The following NECAB2 variants were observed in gnomAD, a reference collection of about 807,000 sequenced individuals.
The protein encoded by NECAB2 is N-terminal EF-hand calcium-binding protein 2.
In NECAB2, 68 loss-of-function variants were observed where a neutral mutation model predicts 51.9. The observed-to-expected ratio is 1.31, with a 90% confidence interval of 1.08 to 1.60. The LOEUF (loss-of-function observed/expected upper bound fraction) is 1.60. Ranked by LOEUF, NECAB2 falls within the 40% of genes most tolerant of loss-of-function variation. NECAB2 has a pLI of 0.00. For synonymous variants in NECAB2, 329 were observed against 203.5 expected, an observed-to-expected ratio of 1.62 and a Z score of -5.25; for missense variants, 854 against 490.3, an observed-to-expected ratio of 1.74 and a Z score of -7.00.
intron 5 of NECAB2, among the ~76,000 whole-genome samples, chr16:83,985,313 C>CAAAAAAAAAAAAAAAAAAAAAAAAAAAA (rs71148868): frequency 9.9e-5 from 3 of 30,160 alleles, no homozygotes; most frequent in Non-Finnish European, 1.6e-4. Context: ...ATCTCTGTCT[C>CAAAAAAAAAAAAAAAAAAAAAAAAAAAA]AAAAAAAAAA....
intron 8 of NECAB2, among the ~76,000 whole-genome samples, chr16:83,996,673 C>G (rs183405526): frequency 6.6e-6 from 1 of 152,098 alleles, no homozygotes; most frequent in Non-Finnish European, 1.5e-5. Context: ...GGTTCTCTGC[C>G]GTGACATAGT....
In NECAB2 at chr16:83,968,325, GCCGCC is replaced by G. The variant is rs2084311092; in HGVS notation, c.-316_-312del. Among the ~76,000 whole-genome samples the G allele has an allele frequency of 6.6e-6, 1 of 151,116 alleles. No homozygotes were observed. The highest frequency in any genetic ancestry group is 6.6e-5 in the Admixed American group (1 of 15,204). ...CTTTTGGGGAGCAGGCCCCAGGGGC[GCCGCC>G]CCGCCCCCAGGCCCCACATACCCCT... is the stretch of plus-strand genomic sequence containing the variant. On this transcript the variant is annotated 5_prime_UTR_variant, in exon 1 of 13. Coordinates refer to ENST00000305202, the MANE Select transcript of NECAB2 (RefSeq NM_019065.3).
In NECAB2 at chr16:83,979,982, A is replaced by C. The variant is rs79208853; in HGVS notation, c.336-857A>C. Among the ~76,000 whole-genome samples, 279 of 152,318 alleles carry C rather than the reference A, an allele frequency of 1.8e-3. 1 individual carries two copies. Among genetic ancestry groups the C allele is most frequent in the African/African-American group, 6.5e-3 (271 of 41,576 alleles). On this transcript the variant is annotated intron_variant, in intron 3 of 12. Coordinates refer to ENST00000305202, the MANE Select transcript of NECAB2 (RefSeq NM_019065.3). Reference sequence around the variant, plus strand: ...TCTGCAGGACTTGCCAGAACTCTGAATATGAGATGGAGGTTGGAGGCACCT... The same window carrying C: ...TCTGCAGGACTTGCCAGAACTCTGACTATGAGATGGAGGTTGGAGGCACCT...
intron 9 of NECAB2, among the ~76,000 whole-genome samples, chr16:83,997,791 C>T (rs1466177617): frequency 2.6e-5 from 4 of 152,110 alleles, no homozygotes; most frequent in Admixed American, 2.6e-4. Flanking sequence ...CCACACCTGG[C>T]CCAGAGGCTC....
At chr16:83,993,177 CAGTCTCCCAGGAT>C (rs1353217376) in intron 6 of NECAB2, among the ~76,000 whole-genome samples, 1 of 152,194 alleles carries the variant, frequency 6.6e-6, no homozygotes, top group African/African-American at 2.4e-5. Flanking sequence ...AGCCCCAGGA[CAGTCTCCCAGGAT>C]GTCACCTCTA....
intron 5 of NECAB2, among the ~76,000 whole-genome samples, chr16:83,988,036 T>C (rs974076374): frequency 6.6e-6 from 1 of 152,254 alleles, no homozygotes; most frequent in Non-Finnish European, 1.5e-5. Context: ...GATAGTGATA[T>C]TGTACCTTAT....
upstream of NECAB2, chr16:83,965,796 C>A (rs2084273211): frequency 1.2e-6 from 2 of 1,613,046 alleles, no homozygotes; most frequent in African/African-American, 1.3e-5. Flanking sequence ...CTGCCTGGGG[C>A]AGGGGCTGAC....
At position 84,000,932 on chromosome 16, in the gene NECAB2, C is replaced by T. The variant is rs112600854; in HGVS notation, c.1040+131C>T. 1,005 of 847,970 alleles carry T rather than the reference C, an allele frequency of 1.2e-3. 4 individuals carry two copies. The highest frequency in any genetic ancestry group is 8.1e-3 in the African/African-American group (486 of 60,002). 52.5% of individuals were successfully genotyped at this position (847,970 alleles called of 1,614,324 possible). On this transcript the variant is annotated intron_variant, in intron 11 of 12. Coordinates refer to ENST00000305202, the MANE Select transcript of NECAB2 (RefSeq NM_019065.3). The stretch of plus-strand genomic sequence containing the variant: ...TCAGCAGATTCCCGAGGCATCTACC[C>T]GCTGGCATGCTTGCGTCAGTAAACC...
intron 1 of NECAB2, 36 bp from the exon 2 acceptor site, chr16:83,972,115 C>G: frequency 1.2e-6 from 2 of 1,612,722 alleles, no homozygotes; most frequent in Admixed American, 1.7e-5. Context: ...TTGCCTCTCC[C>G]TGGCCCAGGG....
At chr16:83,977,136 C>G (rs551161221) in intron 2 of NECAB2, among the ~76,000 whole-genome samples, 4 of 152,352 alleles carry the variant, frequency 2.6e-5, no homozygotes, top group African/African-American at 9.6e-5. Flanking sequence ...TGTGGACTCT[C>G]AGGGCCCTTG....
At chr16:83,994,532 C>T (rs764084996) in intron 7 of NECAB2, 77 bp from the exon 8 acceptor site, 3 of 1,601,134 alleles carry the variant, frequency 1.9e-6, no homozygotes, top group Non-Finnish European at 2.6e-6. Context: ...CCTGGAGGGG[C>T]TGGATGTTTC....
intron 5 of NECAB2, among the ~76,000 whole-genome samples, 171 bp from the exon 6 acceptor site, chr16:83,990,323 T>C (rs1273488783): frequency 1.3e-5 from 2 of 152,182 alleles, no homozygotes; most frequent in African/African-American, 2.4e-5. Flanking sequence ...AGCCTCTGCG[T>C]TGGAAATGCT....
intron 6 of NECAB2, among the ~76,000 whole-genome samples, chr16:83,993,043 ATGT>A (rs1191365043): frequency 6.6e-6 from 1 of 152,068 alleles, no homozygotes; most frequent in Non-Finnish European, 1.5e-5. Flanking sequence ...TTACTTGGGG[ATGT>A]TGTCAGACGG....
intron 12 of NECAB2, 44 bp downstream of exon 12, chr16:84,001,960 G>A: frequency 1.9e-6 from 3 of 1,592,240 alleles, no homozygotes; most frequent in Non-Finnish European, 2.6e-6. Flanking sequence ...CCTGACTGGA[G>A]AGAAGGGCAA....
chr16:83,995,951 C>T (rs7342695), intron 8 of NECAB2, among the ~76,000 whole-genome samples: 37,918 of 152,158 alleles, frequency 0.25, 9,382 homozygotes, highest in African/African-American at 0.65. Flanking sequence ...AGCACCGTCG[C>T]CCTAACAACC....
At chr16:83,999,308 C>T (rs1307256697) in intron 10 of NECAB2, among the ~76,000 whole-genome samples, 1 of 152,106 alleles carries the variant, frequency 6.6e-6, no homozygotes, top group Non-Finnish European at 1.5e-5. Context: ...GGACAGACTG[C>T]ACAGGAGCAG....
intron 5 of NECAB2, among the ~76,000 whole-genome samples, chr16:83,986,402 C>A (rs1196113326): frequency 3.3e-5 from 5 of 152,178 alleles, no homozygotes; most frequent in East Asian, 1.9e-4. Flanking sequence ...TGCACTAATA[C>A]ATAGGTAAAT....
chr16:83,971,369 C>T (rs914276045), intron 1 of NECAB2: 2 of 152,148 alleles, frequency 1.3e-5, no homozygotes, highest in East Asian at 1.9e-4. Flanking sequence ...TTTGAAAGCT[C>T]TCCAGGCGAT....
Position 83,968,605 on chromosome 16 carries a change from C to A in NECAB2, c.-44C>A, listed in dbSNP as rs1262957302. ...CGCGCGGGGGCGGGCCGCAGCTGGG[C>A]GGGGGTCGGCGGGCTTCCGGGCGGC... On this transcript the variant is annotated 5_prime_UTR_variant, in exon 1 of 13. Transcript: ENST00000305202. 1.0e-6 allele frequency: 1 copy of A among 964,842 alleles called. No homozygotes were observed. Among genetic ancestry groups the A allele is most frequent in the Non-Finnish European group, 1.2e-6 (1 of 815,722 alleles). The allele number at this position is 964,842 out of a possible 1,614,324, so 59.8% of individuals were successfully genotyped here. A position where few individuals can be genotyped will look rare whatever the true frequency, so the allele number is the denominator to read the frequency against.
Sources: allele counts gnomAD v4.1 joint callset (sites outside exome capture counted in the v4.1 genomes callset), GRCh38; gene constraint gnomAD v4.1.1; transcripts MANE v1.5; gene names NCBI Gene and HGNC (gene_info 2026-07-23, HGNC 2026-07-21).